AFDN: variants seen among roughly 807,000 people sequenced by gnomAD.
AFDN encodes the protein afadin.
Under a neutral mutation model 216.6 loss-of-function variants are expected in AFDN, and 68 were observed. That is an observed-to-expected ratio of 0.31 (90% confidence interval 0.26 to 0.38). The LOEUF (loss-of-function observed/expected upper bound fraction) is 0.38. AFDN is among the 10% of genes least tolerant of loss of function. The pLI, the probability that AFDN is intolerant of heterozygous loss-of-function variation, is 1.00. For missense variants in AFDN, 2,136 were observed against 2,342.0 expected, an observed-to-expected ratio of 0.91 and a Z score of 1.82; for synonymous variants, 868 against 853.7, an observed-to-expected ratio of 1.02 and a Z score of -0.29.
chr6:167,831,963 T>C (rs562957157), intron 1 of AFDN, among the ~76,000 whole-genome samples: 2 of 152,340 alleles, frequency 1.3e-5, no homozygotes, highest in Non-Finnish European at 2.9e-5. Flanking sequence ...ATAAATAAAA[T>C]GTATATGCAG....
intron 6 of AFDN, among the ~76,000 whole-genome samples, chr6:167,883,935 A>G (rs1489214477): frequency 6.6e-6 from 1 of 152,236 alleles, no homozygotes; most frequent in Middle Eastern, 3.2e-3. Context: ...TTTTATGTAC[A>G]GTAAAATGTC....
chr6:167,948,300 C>T lies in AFDN; in HGVS notation c.3653C>T (p.Thr1218Met), dbSNP rs145954704. The change falls in exon 29 of 34, where the codon ACG (threonine) becomes ATG (methionine). Residue 1218 changes from threonine (T) to methionine (M), a missense_variant. Around this residue, in one of 8 missense-constraint regions of AFDN, gnomAD observed 981 missense variants for 966.0 expected, o/e 1.02. Transcript: ENST00000683244. Reference sequence around the variant, plus strand: ...GTTCTTCACATTTTACAGGAGCAGACGCCTCCGCCTAGACCTGAAGCCTAC... The same window carrying T: ...GTTCTTCACATTTTACAGGAGCAGATGCCTCCGCCTAGACCTGAAGCCTAC... ...STGNLCTEEQ[T>M]PPPRPEAYPI... 1.7e-5 allele frequency: 28 copies of T among 1,606,352 alleles called. No individual in the cohort carries two copies. Among genetic ancestry groups the T allele is most frequent in the African/African-American group, 5.4e-5 (4 of 74,480 alleles).
At chr6:167,838,500 A>C (rs1035179883) in intron 1 of AFDN, among the ~76,000 whole-genome samples, 1 of 152,346 alleles carries the variant, frequency 6.6e-6, no homozygotes, top group African/African-American at 2.4e-5. Context: ...GCCATCACTC[A>C]GTTAATTTTG....
intron 10 of AFDN, 105 bp from the exon 11 acceptor site, chr6:167,898,100 T>G: frequency 8.2e-7 from 1 of 1,218,712 alleles, no homozygotes; most frequent in Non-Finnish European, 1.1e-6. Context: ...CCAGAGCTTA[T>G]TAGGTTATAT....
intron 21 of AFDN, among the ~76,000 whole-genome samples, chr6:167,922,638 C>A (rs1425346588): frequency 6.6e-6 from 1 of 152,092 alleles, no homozygotes; most frequent in Non-Finnish European, 1.5e-5. Flanking sequence ...GAGTGGGAGG[C>A]CAATTTTACT....
chr6:167,901,814 G>C (rs556631722), intron 11 of AFDN, among the ~76,000 whole-genome samples: 1 of 152,070 alleles, frequency 6.6e-6, no homozygotes, highest in Admixed American at 6.5e-5. Flanking sequence ...TGATCGGGCC[G>C]GGCGTGGTGG....
chr6:167,866,710 T>TA (rs907547015), intron 2 of AFDN, among the ~76,000 whole-genome samples: 3 of 152,238 alleles, frequency 2.0e-5, no homozygotes, highest in Non-Finnish European at 2.9e-5. Context: ...GCTTGTTTAT[T>TA]ACAGCGTTAC....
intron 32 of AFDN, chr6:167,966,367 A>G: frequency 1.8e-6 from 2 of 1,127,378 alleles, no homozygotes; most frequent in Non-Finnish European, 2.3e-6. Context: ...GTCCATGGCG[A>G]TCATACTTGC....
intron 1 of AFDN, among the ~76,000 whole-genome samples, chr6:167,855,802 C>A (rs553719121): frequency 3.9e-4 from 60 of 152,196 alleles, no homozygotes; most frequent in African/African-American, 1.3e-3. Context: ...TAATACAACA[C>A]TTTTAGGGTA....
intron 23 of AFDN, among the ~76,000 whole-genome samples, chr6:167,928,245 G>A (rs1003817846): frequency 6.6e-5 from 10 of 152,246 alleles, no homozygotes; most frequent in East Asian, 1.9e-4. Context: ...CAGAAGGAGC[G>A]GAGCTCTGGG....
intron 4 of AFDN, among the ~76,000 whole-genome samples, chr6:167,873,244 C>T (rs1472444224): frequency 6.6e-6 from 1 of 152,146 alleles, no homozygotes; most frequent in African/African-American, 2.4e-5. Context: ...GAATCATAAT[C>T]TAGTTTGTTT....
intron 16 of AFDN, 141 bp from the exon 17 acceptor site, chr6:167,914,027 A>G (rs1337168976): frequency 4.8e-6 from 4 of 834,232 alleles, no homozygotes; most frequent in South Asian, 2.0e-5. Flanking sequence ...TTATTTTGCA[A>G]ATATCTGGTA....
At chr6:167,873,514 C>T (rs572714384) in intron 4 of AFDN, among the ~76,000 whole-genome samples, 1 of 152,170 alleles carries the variant, frequency 6.6e-6, no homozygotes, top group South Asian at 2.1e-4. Flanking sequence ...AGTGAATATC[C>T]TTGTTCTACG....
In AFDN at chr6:167,869,629, C is replaced by T. The variant is rs147509161; in HGVS notation, c.302-757C>T. Among the ~76,000 whole-genome samples, 1,061 of 152,234 alleles carry T rather than the reference C, an allele frequency of 7.0e-3. 16 individuals are homozygous for T. Among genetic ancestry groups the T allele is most frequent in the African/African-American group, 0.024 (1,008 of 41,524 alleles). On this transcript the variant is annotated intron_variant, in intron 2 of 33. Transcript: ENST00000683244. ...GGATGGGTGTCTTGGCCAGTAGGAG[C>T]AGGTCCATCCTTCAGTGCCGCCTTT...
chr6:167,903,223 A>G (rs1789212116), intron 12 of AFDN, among the ~76,000 whole-genome samples: 1 of 152,192 alleles, frequency 6.6e-6, no homozygotes, highest in Admixed American at 6.5e-5. Flanking sequence ...TTATTTGTTT[A>G]CCATTGTGCA....
At chr6:167,875,159 A>G (rs1280833447) in intron 4 of AFDN, among the ~76,000 whole-genome samples, 176 bp from the exon 5 acceptor site, 2 of 152,214 alleles carry the variant, frequency 1.3e-5, no homozygotes, top group Admixed American at 1.3e-4. Context: ...TGTTGAGAGA[A>G]ACTATATTCT....
chr6:167,880,192 T>C (rs1785935776), intron 5 of AFDN, among the ~76,000 whole-genome samples, 168 bp from the exon 6 acceptor site: 1 of 152,218 alleles, frequency 6.6e-6, no homozygotes, highest in African/African-American at 2.4e-5. Context: ...GTTACTGCTA[T>C]TATATGTTAT....
At chr6:167,888,195 A>G (rs1298048612) in intron 6 of AFDN, among the ~76,000 whole-genome samples, 1 of 152,236 alleles carries the variant, frequency 6.6e-6, no homozygotes, top group Non-Finnish European at 1.5e-5. Context: ...ATGAAACACT[A>G]TGAAGAAAGA....
Position 167,970,118 on chromosome 6 carries a change from A to G in AFDN, c.*183A>G, listed in dbSNP as rs538490932. 8.3e-5 allele frequency: 46 copies of G among 555,854 alleles called. 1 individual carries two copies. In the Admixed American group the frequency reaches 8.6e-4, roughly 10 times the overall value. The allele number at this position is 555,854 out of a possible 1,614,324, so 34.4% of individuals were successfully genotyped here. On this transcript the variant is annotated 3_prime_UTR_variant, in exon 34 of 34. Coordinates refer to ENST00000683244, the MANE Select transcript of AFDN (RefSeq NM_001386888.1). ...CCAAGAAATTTTATTTTACTTTACC[A>G]TGAGATTGCCATTTATGTAATTTAA...
Sources: allele counts gnomAD v4.1 joint callset (sites outside exome capture counted in the v4.1 genomes callset), GRCh38; gene constraint gnomAD v4.1.1; regional missense constraint gnomAD v4.1.1; transcripts MANE v1.5; gene names NCBI Gene and HGNC (gene_info 2026-07-23, HGNC 2026-07-21).